Variants in USP43 observed in about 807,000 individuals in gnomAD.
The protein encoded by USP43 is ubiquitin specific peptidase 43, also known as ubiquitin carboxyl-terminal hydrolase 43.
A neutral mutation model predicts 90.7 loss-of-function variants in USP43; 33 were observed. The ratio of observed to expected loss-of-function variants is 0.36; its 90% CI spans 0.28 to 0.49. The LOEUF (loss-of-function observed/expected upper bound fraction) is 0.49. USP43 is among the 20% of genes least tolerant of loss of function. The pLI, the probability that USP43 is intolerant of heterozygous loss-of-function variation, is 0.98. For synonymous variants in USP43, 598 were observed against 615.8 expected (o/e 0.97, Z 0.43); for missense variants, 1,274 against 1,476.4 (o/e 0.86, Z 2.25).
At position 9,666,579 on chromosome 17, in the gene USP43, G is replaced by A. The variant is rs192805284; in HGVS notation, c.637-69G>A. The A allele has an allele frequency of 4.4e-5, 57 of 1,305,498 alleles. No individual in the cohort carries two copies. In the East Asian group the frequency reaches 1.1e-3, roughly 26 times the overall value. The allele number at this position is 1,305,498 out of a possible 1,614,324, so 80.9% of individuals were successfully genotyped here. ...CGGGCCCAGGAGGAAGCATGGGCTC[G>A]GTGGTCTGGAAGCAGTTGAGTGATG... On this transcript the variant is annotated intron_variant, in intron 2 of 14. Transcript: ENST00000285199.
intron 2 of USP43, among the ~76,000 whole-genome samples, chr17:9,662,402 A>G (rs1235142019): frequency 6.6e-6 from 1 of 152,126 alleles, no homozygotes; most frequent in Non-Finnish European, 1.5e-5. Context: ...CAGCATGCCC[A>G]TCCCAAACCC....
Position 9,645,576 on chromosome 17 carries a change from C to T in USP43, c.-57C>T, listed in dbSNP as rs991458452. On this transcript the variant is annotated 5_prime_UTR_variant, in exon 1 of 15. Coordinates refer to ENST00000285199, the MANE Select transcript of USP43 (RefSeq NM_153210.5). This position sits in a 1 kb window ranked among gnomAD's most constrained non-coding sequence, Gnocchi z 6.8. ...TTAGAGAAGCTGTAGGGCCTGCTGGCCGCTCGTCCGCCTCGCGCCCGGGGG... is the reference window on the plus strand; with the variant it reads ...TTAGAGAAGCTGTAGGGCCTGCTGGTCGCTCGTCCGCCTCGCGCCCGGGGG... 20 of 1,169,472 alleles carry T rather than the reference C, an allele frequency of 1.7e-5. No individual in the cohort carries two copies. In the Middle Eastern group the frequency reaches 1.0e-3, roughly 61 times the overall value. The allele number at this position is 1,169,472 out of a possible 1,614,324, so 72.4% of individuals were successfully genotyped here.
intron 3 of USP43, among the ~76,000 whole-genome samples, chr17:9,673,786 A>C (rs1426873488): frequency 6.6e-6 from 1 of 152,184 alleles, no homozygotes; most frequent in African/African-American, 2.4e-5. Flanking sequence ...AATGTGTATA[A>C]TATCAGTTGC....
In USP43 at chr17:9,701,020, GC is replaced by G; in HGVS notation, c.1536-97del. On this transcript the variant is annotated intron_variant, in intron 10 of 14. Coordinates refer to ENST00000285199, the MANE Select transcript of USP43 (RefSeq NM_153210.5). This position sits in a 1 kb window ranked among gnomAD's most constrained non-coding sequence, Gnocchi z 7.2. Reference sequence around the variant, plus strand: ...AGGCAGGGCACGGTAGTGTGGCCTGGCCAATGTCTGCTGACGGGTTTGCTGT... The same window carrying G: ...AGGCAGGGCACGGTAGTGTGGCCTGGCAATGTCTGCTGACGGGTTTGCTGT... 7.9e-6 allele frequency: 11 copies of G among 1,385,732 alleles called. No homozygotes were observed. Among genetic ancestry groups the G allele is most frequent in the Non-Finnish European group, 1.0e-5 (11 of 1,066,970 alleles). The allele number at this position is 1,385,732 out of a possible 1,614,324, so 85.8% of individuals were successfully genotyped here.
rs563786960 is a variant in USP43 at position 9,714,711 on chromosome 17, G to A, written c.2335+2579G>A. On this transcript the variant is annotated intron_variant, in intron 14 of 14. Transcript: ENST00000285199. The stretch of plus-strand genomic sequence containing the variant: ...AAAAAAAAAAAAAAAATGAAGACCC[G>A]AGACCAAACCTGGGGGCTCTCCAAC... Among the ~76,000 whole-genome samples the A allele has an allele frequency of 7.4e-5, 11 of 148,592 alleles. No individual in the cohort carries two copies. In the South Asian group the frequency reaches 1.3e-3, roughly 17 times the overall value.
chr17:9,715,210 T>A (rs1597887332), intron 14 of USP43, among the ~76,000 whole-genome samples: 1 of 152,158 alleles, frequency 6.6e-6, no homozygotes, highest in Non-Finnish European at 1.5e-5. Flanking sequence ...CCTGGAACCC[T>A]AGCATTTTGG....
At chr17:9,712,156 T>C in intron 14 of USP43, 24 bp downstream of exon 14, 2 of 1,528,978 alleles carry the variant, frequency 1.3e-6, no homozygotes, top group Non-Finnish European at 1.8e-6. Context: ...ATGTGCTTGG[T>C]TGATTTTCAT....
chr17:9,648,492 A>C (rs1460639800), intron 1 of USP43, among the ~76,000 whole-genome samples: 2 of 152,218 alleles, frequency 1.3e-5, no homozygotes, highest in Non-Finnish European at 2.9e-5. Flanking sequence ...CATGATTGGA[A>C]CAGAAACATG....
chr17:9,646,483 G>C lies in USP43; in HGVS notation c.504+347G>C, dbSNP rs1057445237. Among the ~76,000 whole-genome samples the C allele has an allele frequency of 1.5e-4, 23 of 152,262 alleles. No homozygotes were observed. The Middle Eastern group carries it at 0.01, about 68-fold the overall frequency. ...AGAGCTTCCAGTCTGGAATGATGTG[G>C]GGTAGGGAATGGGATGTTGAAGGCC... On this transcript the variant is annotated intron_variant, in intron 1 of 14. Coordinates refer to ENST00000285199, the MANE Select transcript of USP43 (RefSeq NM_153210.5).
At chr17:9,665,502 AACTC>A (rs1485918872) in intron 2 of USP43, among the ~76,000 whole-genome samples, 2 of 152,096 alleles carry the variant, frequency 1.3e-5, no homozygotes, top group Non-Finnish European at 2.9e-5. Flanking sequence ...ATCTCATGAG[AACTC>A]ACTCACTAAC....
At chr17:9,658,263 G>T (rs956993290) in intron 2 of USP43, among the ~76,000 whole-genome samples, 1 of 152,176 alleles carries the variant, frequency 6.6e-6, no homozygotes, top group African/African-American at 2.4e-5. Context: ...AATGAACAGT[G>T]CAGGAAGCTT....
chr17:9,655,084 GAAAAA>G (rs57985388), intron 1 of USP43, among the ~76,000 whole-genome samples: 1 of 37,326 alleles, frequency 2.7e-5, no homozygotes, highest in Non-Finnish European at 6.7e-5. Context: ...AGAAAGAAAG[GAAAAA>G]AAAAAAAAAA....
chr17:9,672,601 G>C (rs1198254239), intron 3 of USP43, among the ~76,000 whole-genome samples: 2 of 152,156 alleles, frequency 1.3e-5, no homozygotes. Context: ...GTACGTGATG[G>C]ACAGAGGTGG....
chr17:9,687,754 A>C (rs1037015876), intron 8 of USP43, among the ~76,000 whole-genome samples: 1 of 152,212 alleles, frequency 6.6e-6, no homozygotes, highest in African/African-American at 2.4e-5. Flanking sequence ...AGCAAAAACC[A>C]TATGTTTGAT....
intron 1 of USP43, among the ~76,000 whole-genome samples, chr17:9,652,014 A>T (rs1911893858): frequency 6.6e-6 from 1 of 152,164 alleles, no homozygotes; most frequent in Admixed American, 6.5e-5. Context: ...TTTTAATAAG[A>T]AATGTTAAAA....
chr17:9,646,659 AG>A (rs1396810952), intron 1 of USP43, among the ~76,000 whole-genome samples: 8 of 152,208 alleles, frequency 5.3e-5, no homozygotes, highest in Non-Finnish European at 1.0e-4. Context: ...AGACAGGGAA[AG>A]AAAAGCAGTG....
chr17:9,686,099 C>T lies in USP43; in HGVS notation c.1242-699C>T, dbSNP rs1914585254. On this transcript the variant is annotated intron_variant, in intron 7 of 14. Transcript: ENST00000285199. The surrounding 1 kb of genome is among the most constrained non-coding windows in gnomAD (Gnocchi z 5.5). ...TGACTTATTTCACTTAACATAATGT[C>T]CTCCAGCCTCATCCATCTTGCCGCA... Among the ~76,000 whole-genome samples the T allele has an allele frequency of 6.6e-6, 1 of 152,188 alleles. No homozygotes were observed. The highest frequency in any genetic ancestry group is 2.4e-5 in the African/African-American group (1 of 41,450).
At chr17:9,696,266 TG>T (rs1555552047) in intron 9 of USP43, among the ~76,000 whole-genome samples, 1 of 152,136 alleles carries the variant, frequency 6.6e-6, no homozygotes, top group Non-Finnish European at 1.5e-5. Flanking sequence ...CCCGAGCAGC[TG>T]GGACTACAGG....
chr17:9,667,353 C>G (rs1349415918), intron 3 of USP43, among the ~76,000 whole-genome samples: 1 of 151,846 alleles, frequency 6.6e-6, no homozygotes, highest in African/African-American at 2.4e-5. Flanking sequence ...GATCGCACCA[C>G]TGTACTCCAG....
Sources: allele counts gnomAD v4.1 joint callset (sites outside exome capture counted in the v4.1 genomes callset), GRCh38; gene constraint gnomAD v4.1.1; non-coding constraint Gnocchi (gnomAD v3.1); transcripts MANE v1.5; gene names NCBI Gene and HGNC (gene_info 2026-07-23, HGNC 2026-07-21).